Variants in PDE4D observed in about 807,000 individuals in gnomAD.
PDE4D encodes 3',5'-cyclic-AMP phosphodiesterase 4D.
A neutral mutation model predicts 87.4 loss-of-function variants in PDE4D; 24 were observed. The observed-to-expected ratio is 0.27, with a 90% CI of 0.20 to 0.39. The LOEUF is 0.39. Ranked by LOEUF, PDE4D falls within the 10% of genes least tolerant of loss-of-function variation. The pLI is 1.00. For synonymous variants in PDE4D, 384 were observed against 383.2 expected (o/e 1.00, Z -0.02); for missense variants, 714 against 1,041.0 (o/e 0.69, Z 4.32).
chr5:59,259,167 A>G (rs1398740410), intron 1 of PDE4D, among the ~76,000 whole-genome samples: 1 of 151,944 alleles, frequency 6.6e-6, no homozygotes, highest in Non-Finnish European at 1.5e-5. Context: ...CCCTTCTAAT[A>G]ATAAACTGGC....
chr5:59,735,412 C>G (rs953211873), intron 1 of PDE4D, among the ~76,000 whole-genome samples: 26 of 152,176 alleles, frequency 1.7e-4, no homozygotes, highest in African/African-American at 5.1e-4. Flanking sequence ...TACCATCAAA[C>G]AAATTCTAAG....
intron 13 of PDE4D, among the ~76,000 whole-genome samples, chr5:58,976,140 T>C (rs1743708955): frequency 6.6e-6 from 1 of 152,204 alleles, no homozygotes; most frequent in African/African-American, 2.4e-5. Flanking sequence ...TTGTTAGTTT[T>C]TTTAATTAAT....
chr5:60,188,911 A>G (rs1784995682), intron 1 of PDE4D, among the ~76,000 whole-genome samples: 1 of 152,210 alleles, frequency 6.6e-6, no homozygotes, highest in African/African-American at 2.4e-5. Context: ...TTAATTATGA[A>G]CAAGTGGTAA....
At chr5:59,428,575 G>A (rs988130300) in intron 1 of PDE4D, among the ~76,000 whole-genome samples, 16 of 152,162 alleles carry the variant, frequency 1.1e-4, no homozygotes, top group African/African-American at 3.6e-4. Flanking sequence ...CAAAACTTAG[G>A]TAGATTTTAG....
intron 2 of PDE4D, among the ~76,000 whole-genome samples, chr5:60,139,965 G>A (rs934264495): frequency 2.0e-4 from 30 of 151,902 alleles, no homozygotes; most frequent in Admixed American, 2.6e-4. Flanking sequence ...AATTTTACTG[G>A]TATACACTGC....
At chr5:59,551,494 C>CAT (rs1338144009) in intron 1 of PDE4D, among the ~76,000 whole-genome samples, 1 of 151,362 alleles carries the variant, frequency 6.6e-6, no homozygotes, top group Admixed American at 6.6e-5. Context: ...CACACACACA[C>CAT]AAATACATAA....
chr5:59,428,182 A>G (rs1281320518), intron 1 of PDE4D, among the ~76,000 whole-genome samples: 2 of 152,214 alleles, frequency 1.3e-5, no homozygotes, highest in African/African-American at 2.4e-5. Flanking sequence ...GTTTTCCAAG[A>G]AAAACATGCT....
At chr5:59,475,984 T>C (rs1316955689) in intron 1 of PDE4D, among the ~76,000 whole-genome samples, 1 of 152,116 alleles carries the variant, frequency 6.6e-6, no homozygotes, top group Admixed American at 6.6e-5. Flanking sequence ...TTCAAAAACT[T>C]TTCCAAGCAT....
intron 1 of PDE4D, among the ~76,000 whole-genome samples, chr5:59,520,527 T>C (rs565212627): frequency 6.6e-5 from 10 of 152,286 alleles, no homozygotes; most frequent in Middle Eastern, 3.4e-3. Flanking sequence ...GGCATGGGCA[T>C]TGTGGTGAGG....
intron 1 of PDE4D, among the ~76,000 whole-genome samples, chr5:60,503,271 A>G (rs538340680): frequency 1.3e-5 from 2 of 152,186 alleles, no homozygotes; most frequent in South Asian, 4.2e-4. Context: ...TATAGACAGA[A>G]TACTCTGTCT....
intron 3 of PDE4D, among the ~76,000 whole-genome samples, chr5:59,969,383 G>C (rs574749959): frequency 6.6e-6 from 1 of 152,130 alleles, no homozygotes; most frequent in Non-Finnish European, 1.5e-5. Context: ...TTATAATTGA[G>C]GTAAAAAGCT....
intron 3 of PDE4D, chr5:59,987,845 C>A (rs1263992407): frequency 1.3e-5 from 2 of 151,970 alleles, no homozygotes; most frequent in African/African-American, 4.8e-5. Flanking sequence ...CATTGGTAAA[C>A]AACACGAAAA....
At chr5:59,780,816 T>C (rs1764536740) in intron 1 of PDE4D, among the ~76,000 whole-genome samples, 1 of 152,184 alleles carries the variant, frequency 6.6e-6, no homozygotes, top group Non-Finnish European at 1.5e-5. Flanking sequence ...TTAAGTCATA[T>C]TTGTCCTGGA....
intron 1 of PDE4D, among the ~76,000 whole-genome samples, chr5:60,326,253 C>T (rs986542708): frequency 1.3e-5 from 2 of 152,140 alleles, no homozygotes; most frequent in Non-Finnish European, 2.9e-5. Flanking sequence ...AAACTCTTTT[C>T]CAGAGTGCCT....
chr5:59,137,748 G>T (rs532881657), intron 5 of PDE4D, among the ~76,000 whole-genome samples: 1 of 152,158 alleles, frequency 6.6e-6, no homozygotes, highest in Admixed American at 6.5e-5. Flanking sequence ...GGATGGTCTG[G>T]ATCTCCTGAC....
chr5:59,599,522 T>G (rs1396185265), intron 1 of PDE4D, among the ~76,000 whole-genome samples: 2 of 152,152 alleles, frequency 1.3e-5, no homozygotes, highest in Non-Finnish European at 2.9e-5. Flanking sequence ...CACATTTTAT[T>G]TGCTTTCAAA....
At chr5:60,086,335 A>C (rs1224746873) in intron 2 of PDE4D, among the ~76,000 whole-genome samples, 49 of 152,178 alleles carry the variant, frequency 3.2e-4, no homozygotes, top group Admixed American at 3.2e-3. Flanking sequence ...CTTATTTGTT[A>C]CTCAATGTCC....
At chr5:59,443,496 C>T (rs79637835) in intron 1 of PDE4D, among the ~76,000 whole-genome samples, 1,645 of 152,290 alleles carry the variant, frequency 0.011, 41 homozygotes, top group African/African-American at 0.037. Flanking sequence ...TGTACTCTCT[C>T]GTTCTCCTTT....
chr5:59,426,625 T>C (rs73758635), intron 1 of PDE4D, among the ~76,000 whole-genome samples: 4,419 of 152,078 alleles, frequency 0.029, 226 homozygotes, highest in African/African-American at 0.1. Flanking sequence ...ACAGTAATGG[T>C]GTCAAGCCAC....
Sources: gnomAD v4.1 joint callset for allele counts (sites outside exome capture counted in the v4.1 genomes callset) on GRCh38, gnomAD v4.1.1 for gene constraint, MANE v1.5 for transcripts, NCBI Gene and HGNC (gene_info 2026-07-23, HGNC 2026-07-21) for gene names.